The following GNL3L variants were observed in gnomAD, a reference collection of about 807,000 sequenced individuals.
GNL3L encodes guanine nucleotide-binding protein-like 3-like protein.
In GNL3L, 4 loss-of-function variants were observed where a neutral mutation model predicts 42.9. That is an observed-to-expected ratio of 0.09 (90% confidence interval 0.05 to 0.21). The LOEUF is 0.21. GNL3L is among the 10% of genes least tolerant of loss of function. The pLI, the probability that GNL3L is intolerant of heterozygous loss-of-function variation, is 1.00. For missense variants in GNL3L, 412 were observed against 481.7 expected, an observed-to-expected ratio of 0.86 and a Z score of 1.36; for synonymous variants, 159 against 176.3, an observed-to-expected ratio of 0.90 and a Z score of 0.78.
At chrX:54,627,794 C>T in the GNL3L span, among the ~76,000 whole-genome samples, 13 of 111,656 alleles carry the variant, frequency 1.2e-4, no homozygotes, top group East Asian at 2.8e-3. Context: ...TTGTTTGTTT[C>T]ATGTGTTTTA....
chrX:54,590,545 T>A (rs1257151014), intron 16 of GNL3L, among the ~76,000 whole-genome samples: 1 of 111,754 alleles, frequency 8.9e-6, no homozygotes, highest in African/African-American at 3.2e-5. Flanking sequence ...ATGGGTAATT[T>A]ACAAATAATT....
the GNL3L span, among the ~76,000 whole-genome samples, chrX:54,629,987 G>A: frequency 9.0e-6 from 1 of 111,459 alleles, no homozygotes; most frequent in Admixed American, 9.6e-5. Context: ...ATCTAGAAGG[G>A]TTGTATGTTT....
intron 16 of GNL3L, among the ~76,000 whole-genome samples, chrX:54,588,419 C>T (rs1925817907): frequency 8.9e-6 from 1 of 112,439 alleles, no homozygotes; most frequent in Non-Finnish European, 1.9e-5. Context: ...TAAAAATTCT[C>T]ATTCATAGGT....
chrX:54,616,186 G>A (rs1229971880), intron 16 of GNL3L, among the ~76,000 whole-genome samples: 2 of 113,055 alleles, frequency 1.8e-5, no homozygotes, highest in Admixed American at 1.9e-4. Context: ...CCTGGCAAGG[G>A]CAGTGCCCGC....
downstream of GNL3L, among the ~76,000 whole-genome samples, chrX:54,572,019 T>A (rs545953035): frequency 1.0e-3 from 114 of 109,227 alleles, no homozygotes; most frequent in South Asian, 0.024. Flanking sequence ...TTATTTATTT[T>A]TTTTTATTGA....
chrX:54,544,687 A>T (rs1397361775), intron 8 of GNL3L, among the ~76,000 whole-genome samples: 1 of 110,015 alleles, frequency 9.1e-6, no homozygotes, highest in Non-Finnish European at 1.9e-5. Flanking sequence ...CATGTTGACC[A>T]GGCTGGTCTC....
chrX:54,615,135 G>T (rs1301497967), intron 16 of GNL3L, among the ~76,000 whole-genome samples: 1 of 112,016 alleles, frequency 8.9e-6, no homozygotes. Context: ...GCATTTATCT[G>T]TTCTGAATAC....
At chrX:54,643,982 A>G in the GNL3L span, among the ~76,000 whole-genome samples, 5 of 112,414 alleles carry the variant, frequency 4.4e-5, no homozygotes, top group Non-Finnish European at 9.4e-5. Context: ...TCAATTATGT[A>G]TATATACCAC....
At chrX:54,644,309 T>C in the GNL3L span, among the ~76,000 whole-genome samples, 1 of 112,311 alleles carries the variant, frequency 8.9e-6, no homozygotes, top group Non-Finnish European at 1.9e-5. Context: ...AAAGCCATTT[T>C]AACTGCAGTG....
chrX:54,542,263 C>T (rs1242422122), intron 5 of GNL3L, among the ~76,000 whole-genome samples: 1 of 80,718 alleles, frequency 1.2e-5, no homozygotes, highest in Non-Finnish European at 2.3e-5. Context: ...CACCCTACAA[C>T]AGTCCCCGGT....
At chrX:54,546,852 G>A (rs143689815) in intron 8 of GNL3L, among the ~76,000 whole-genome samples, 1 of 109,507 alleles carries the variant, frequency 9.1e-6, no homozygotes, top group African/African-American at 3.3e-5. Flanking sequence ...CACCATGTTG[G>A]TCAGGCTGGT....
intron 16 of GNL3L, among the ~76,000 whole-genome samples, chrX:54,596,587 G>A (rs1925933879): frequency 8.9e-6 from 1 of 112,134 alleles, no homozygotes; most frequent in African/African-American, 3.2e-5. Context: ...AGCCCTGGGG[G>A]CTCTACAATC....
intron 16 of GNL3L, among the ~76,000 whole-genome samples, chrX:54,607,019 T>C (rs778820508): frequency 3.7e-5 from 2 of 54,067 alleles, no homozygotes; most frequent in South Asian, 1.9e-3. Flanking sequence ...TTTCTTTCTT[T>C]CTTTCTTTCT....
At chrX:54,596,142 T>C (rs1925928458) in intron 16 of GNL3L, among the ~76,000 whole-genome samples, 1 of 112,042 alleles carries the variant, frequency 8.9e-6, no homozygotes, top group Non-Finnish European at 1.9e-5. Context: ...TTCATCTGTG[T>C]CTGGACATTG....
At position 54,563,000 on chromosome X, in the gene GNL3L, AT is replaced by A. The variant is rs201258887; in HGVS notation, c.*2404del. Among the ~76,000 whole-genome samples the A allele has an allele frequency of 6.5e-3, 724 of 110,704 alleles. 4 individuals are homozygous for A. Among genetic ancestry groups the A allele is most frequent in the African/African-American group, 0.023 (686 of 30,469 alleles). On this transcript the variant is annotated 3_prime_UTR_variant, in exon 16 of 16. Coordinates refer to ENST00000360845, the MANE Select transcript of GNL3L (RefSeq NM_001184819.2). ...GTCCGTTAAATGCATTTAACGTTAA[AT>A]TTTTTCTTTTTTGGTTTAAAAAACT...
At chrX:54,578,670 C>T (rs1367561954) in intron 16 of GNL3L, among the ~76,000 whole-genome samples, 2 of 112,462 alleles carry the variant, frequency 1.8e-5, no homozygotes, top group East Asian at 2.8e-4. Flanking sequence ...TACTAGAGTT[C>T]ATTAGTCAAT....
the GNL3L span, among the ~76,000 whole-genome samples, chrX:54,629,744 G>A: frequency 9.0e-6 from 1 of 111,130 alleles, no homozygotes; most frequent in Admixed American, 9.6e-5. Context: ...GTCCTCTCCT[G>A]GTTTTGGTAT....
chrX:54,568,617 G>A (rs67730776), downstream of GNL3L, among the ~76,000 whole-genome samples: 9 of 107,494 alleles, frequency 8.4e-5, no homozygotes, highest in Admixed American at 9.0e-4. Context: ...GCAGTGGCAC[G>A]ATCTCCGCTC....
chrX:54,614,963 T>G (rs1174379431), intron 16 of GNL3L, among the ~76,000 whole-genome samples: 1 of 111,313 alleles, frequency 9.0e-6, no homozygotes, highest in African/African-American at 3.3e-5. Flanking sequence ...GAAACTAGTT[T>G]AAAGTGTCCT....
Sources: gnomAD v4.1 joint callset for allele counts (sites outside exome capture counted in the v4.1 genomes callset) on GRCh38, gnomAD v4.1.1 for gene constraint, MANE v1.5 for transcripts, NCBI Gene and HGNC (gene_info 2026-07-23, HGNC 2026-07-21) for gene names.